The following RALGAPA1 variants were observed in gnomAD, a reference collection of about 807,000 sequenced individuals.
The protein encoded by RALGAPA1 is ral GTPase-activating protein subunit alpha-1.
Under a neutral mutation model 269.6 loss-of-function variants are expected in RALGAPA1, and 52 were observed. The ratio of observed to expected loss-of-function variants is 0.19; its 90% confidence interval spans 0.15 to 0.24. The LOEUF (loss-of-function observed/expected upper bound fraction) is 0.24, where lower values mean the gene tolerates loss of function less well. RALGAPA1 is among the 10% of genes least tolerant of loss of function. The pLI, the probability that RALGAPA1 is intolerant of heterozygous loss-of-function variation, is 1.00. For synonymous variants in RALGAPA1, 817 were observed against 1,008.3 expected, an observed-to-expected ratio of 0.81 and a Z score of 3.60; for missense variants, 1,917 against 3,013.9, an observed-to-expected ratio of 0.64 and a Z score of 8.52.
At chr14:35,645,689 C>A (rs8007266) in intron 31 of RALGAPA1, among the ~76,000 whole-genome samples, 2 of 146,080 alleles carry the variant, frequency 1.4e-5, no homozygotes, top group East Asian at 4.2e-4. Context: ...GAGATCGCGC[C>A]GGGGCACTCC....
intron 1 of RALGAPA1, among the ~76,000 whole-genome samples, chr14:35,779,513 G>A (rs1379230681): frequency 2.0e-5 from 3 of 151,778 alleles, no homozygotes; most frequent in East Asian, 1.9e-4. Flanking sequence ...AGGCAACAAA[G>A]CGAGACCTTG....
intron 34 of RALGAPA1, among the ~76,000 whole-genome samples, chr14:35,625,720 A>G (rs1446143980): frequency 1.3e-5 from 2 of 152,224 alleles, no homozygotes; most frequent in Non-Finnish European, 2.9e-5. Context: ...GGATAAAAGT[A>G]CTTTGTATTT....
At chr14:35,602,241 C>T (rs982983072) in intron 36 of RALGAPA1, among the ~76,000 whole-genome samples, 3 of 152,136 alleles carry the variant, frequency 2.0e-5, no homozygotes, top group African/African-American at 4.8e-5. Context: ...TTGTTTCTAC[C>T]GTTTTGCTAG....
chr14:35,805,555 G>A (rs1444741256), intron 1 of RALGAPA1, among the ~76,000 whole-genome samples: 1 of 151,868 alleles, frequency 6.6e-6, no homozygotes, highest in Non-Finnish European at 1.5e-5. Context: ...AATCTAGGGT[G>A]ACAGCAGATT....
chr14:35,743,264 AC>A (rs2071743970), intron 10 of RALGAPA1, among the ~76,000 whole-genome samples: 1 of 152,180 alleles, frequency 6.6e-6, no homozygotes, highest in Non-Finnish European at 1.5e-5. Flanking sequence ...GAGATAAAAA[AC>A]AACTTTTAAA....
chr14:35,731,193 T>G (rs1239390200), intron 12 of RALGAPA1, among the ~76,000 whole-genome samples: 1 of 152,174 alleles, frequency 6.6e-6, no homozygotes, highest in Non-Finnish European at 1.5e-5. Flanking sequence ...GGGAGAGTAC[T>G]ACATCAGAAG....
At chr14:35,603,631 G>A (rs1051620398) in intron 36 of RALGAPA1, among the ~76,000 whole-genome samples, 9 of 152,142 alleles carry the variant, frequency 5.9e-5, no homozygotes, top group Admixed American at 5.9e-4. Context: ...TAAAGAAAAT[G>A]TGGTATGCAT....
chr14:35,689,222 C>G lies in RALGAPA1; in HGVS notation c.3189G>C (p.Leu1063=). ...SPCDKEKRKH[L]YRQAATELDA... Reference sequence around the variant, plus strand: ...CTAATTCTGTGGCTGCTTGTCTGTACAGATGTTTCCTTTTTTCTTTATCAC... The same window carrying G: ...CTAATTCTGTGGCTGCTTGTCTGTAGAGATGTTTCCTTTTTTCTTTATCAC... The change falls in exon 18 of 42, where the codon CTG becomes CTC. Residue 1063 remains leucine, a synonymous_variant. Transcript: ENST00000680220. 8.1e-7 allele frequency: 1 copy of G among 1,232,560 alleles called. No homozygotes were observed. Among genetic ancestry groups the G allele is most frequent in the African/African-American group, 1.6e-5 (1 of 64,512 alleles). The allele number at this position is 1,232,560 out of a possible 1,614,324, so 76.4% of individuals were successfully genotyped here.
intron 12 of RALGAPA1, among the ~76,000 whole-genome samples, chr14:35,735,534 T>C (rs1463894599): frequency 6.6e-6 from 1 of 152,108 alleles, no homozygotes; most frequent in East Asian, 1.9e-4. Flanking sequence ...ATGAGAATGA[T>C]ACAAGGGACT....
intron 29 of RALGAPA1, among the ~76,000 whole-genome samples, chr14:35,655,207 ATTAT>A (rs749757810): frequency 1.3e-5 from 2 of 152,174 alleles, no homozygotes; most frequent in African/African-American, 4.8e-5. Flanking sequence ...TCATGTAACT[ATTAT>A]TTAAAAATAT....
At chr14:35,646,948 TAAAAG>T (rs772232188) in intron 31 of RALGAPA1, among the ~76,000 whole-genome samples, 2 of 152,192 alleles carry the variant, frequency 1.3e-5, no homozygotes, top group African/African-American at 2.4e-5. Context: ...GAAATTATGT[TAAAAG>T]AAAACAATTC....
At chr14:35,628,857 G>C (rs1379605120) in intron 33 of RALGAPA1, among the ~76,000 whole-genome samples, 1 of 152,094 alleles carries the variant, frequency 6.6e-6, no homozygotes, top group African/African-American at 2.4e-5. Flanking sequence ...GAGGAAAACA[G>C]GTAAGAAGCA....
chr14:35,750,291 C>A (rs1455570320), intron 9 of RALGAPA1, among the ~76,000 whole-genome samples, 191 bp downstream of exon 9: 2 of 152,122 alleles, frequency 1.3e-5, no homozygotes, highest in African/African-American at 2.4e-5. Context: ...ATCTTCTATA[C>A]TTCCCGTTTC....
chr14:35,694,044 C>T (rs1595172072), intron 17 of RALGAPA1, among the ~76,000 whole-genome samples: 2 of 151,350 alleles, frequency 1.3e-5, no homozygotes, highest in Non-Finnish European at 2.9e-5. Context: ...GAGGACCTGT[C>T]ACATAAGTAT....
At chr14:35,581,527 G>A (rs923529095) in intron 37 of RALGAPA1, among the ~76,000 whole-genome samples, 8 of 151,924 alleles carry the variant, frequency 5.3e-5, no homozygotes, top group Non-Finnish European at 1.0e-4. Flanking sequence ...TTAGTTTGAC[G>A]CTGACAAAGT....
intron 1 of RALGAPA1, 34 bp downstream of exon 1, chr14:35,808,696 C>G (rs749385652): frequency 6.3e-7 from 1 of 1,590,058 alleles, no homozygotes; most frequent in South Asian, 1.1e-5. Context: ...GCCGGGCAAC[C>G]CAGGCCTCGG....
intron 41 of RALGAPA1, among the ~76,000 whole-genome samples, chr14:35,545,664 G>C (rs74040852): frequency 0.01 from 1,578 of 151,336 alleles, 32 homozygotes; most frequent in African/African-American, 0.036. Context: ...AAAAAATTAT[G>C]AGTATATTTT....
chr14:35,689,520 G>A lies in RALGAPA1; in HGVS notation c.2891C>T (p.Ala964Val), dbSNP rs2066297064. ...HSKNETGKDP[A>V]SQEVTIAVNR... ...TACTGCAATAGTCACTTCCTGAGAA[G>A]CTGGGTCTTTCCCTGTCTCATTTTT... The change falls in exon 18 of 42, where the codon GCT (alanine) becomes GTT (valine). Residue 964 changes from alanine (A) to valine (V), a missense_variant. Transcript: ENST00000680220. The A allele has an allele frequency of 8.1e-7, 1 of 1,239,594 alleles. No individual in the cohort carries two copies. Among genetic ancestry groups the A allele is most frequent in the Non-Finnish European group, 1.0e-6 (1 of 993,232 alleles). 76.8% of individuals were successfully genotyped at this position (1,239,594 alleles called of 1,614,324 possible).
chr14:35,677,927 A>C, intron 22 of RALGAPA1, 23 bp downstream of exon 22: 1 of 1,609,444 alleles, frequency 6.2e-7, no homozygotes, highest in Non-Finnish European at 8.5e-7. Flanking sequence ...AAAAAAGGTA[A>C]ATATCTAATT....
Sources: allele counts gnomAD v4.1 joint callset (sites outside exome capture counted in the v4.1 genomes callset), GRCh38; gene constraint gnomAD v4.1.1; transcripts MANE v1.5; gene names NCBI Gene and HGNC (gene_info 2026-07-23, HGNC 2026-07-21).